The following SCTR variants were observed in gnomAD, a reference collection of about 807,000 sequenced individuals.
SCTR encodes the protein pancreatic secretin receptor.
Under a neutral mutation model 60.8 loss-of-function variants are expected in SCTR, and 56 were observed. That is an observed-to-expected ratio of 0.92 (90% CI 0.74 to 1.15). The LOEUF (loss-of-function observed/expected upper bound fraction) is 1.15. Ranked by LOEUF, SCTR falls within the 50% of genes most tolerant of loss-of-function variation. The pLI is 0.00. For missense variants in SCTR, 562 were observed against 550.4 expected, an observed-to-expected ratio of 1.02 and a Z score of -0.21; for synonymous variants, 202 against 217.0, an observed-to-expected ratio of 0.93 and a Z score of 0.61.
chr2:119,521,592 C>T (rs956693437), intron 1 of SCTR, among the ~76,000 whole-genome samples: 3 of 152,214 alleles, frequency 2.0e-5, no homozygotes, highest in Non-Finnish European at 2.9e-5. Flanking sequence ...CTGCCCCATT[C>T]GGCCACTTTT....
chr2:119,440,895 GA>G (rs1485027959), intron 12 of SCTR, among the ~76,000 whole-genome samples: 1 of 152,180 alleles, frequency 6.6e-6, no homozygotes, highest in African/African-American at 2.4e-5. Context: ...TGATTTTTGG[GA>G]AACATCAAAG....
Position 119,440,200 on chromosome 2 carries a change from G to A in SCTR, c.1240C>T (p.His414Tyr), listed in dbSNP as rs1272104077. The change falls in exon 13 of 13, where the codon CAC (histidine) becomes TAC (tyrosine). Residue 414 changes from histidine to tyrosine, a missense_variant. Coordinates refer to ENST00000019103, the MANE Select transcript of SCTR (RefSeq NM_002980.3). Reference sequence around the variant, plus strand: ...CTGTTGCTGAAGGAGGCCACGGGGTGCAGTGGGAACTCACGGAGGTGCCAT... The same window carrying A: ...CTGTTGCTGAAGGAGGCCACGGGGTACAGTGGGAACTCACGGAGGTGCCAT... ...QQWHLREFPL[H>Y]PVASFSNSTK... is the part of the protein sequence containing the mutation. The A allele has an allele frequency of 2.5e-6, 4 of 1,613,958 alleles. No homozygotes were observed. Among genetic ancestry groups the A allele is most frequent in the Admixed American group, 1.7e-5 (1 of 60,002 alleles).
chr2:119,521,737 A>G (rs899201844), intron 1 of SCTR, among the ~76,000 whole-genome samples: 1 of 152,172 alleles, frequency 6.6e-6, no homozygotes, highest in Non-Finnish European at 1.5e-5. Context: ...GGGAGCTTCA[A>G]ATGAATAAAA....
intron 1 of SCTR, among the ~76,000 whole-genome samples, chr2:119,508,088 C>A (rs772299598): frequency 1.1e-4 from 16 of 152,184 alleles, no homozygotes; most frequent in Admixed American, 4.6e-4. Context: ...TTCCTTGCAA[C>A]TAAGGCGTGC....
At chr2:119,440,325 C>T in intron 12 of SCTR, 68 bp from the exon 13 acceptor site, 2 of 1,542,180 alleles carry the variant, frequency 1.3e-6, no homozygotes, top group Non-Finnish European at 1.8e-6. Flanking sequence ...CTGCTCACTC[C>T]CCCAGTGACT....
intron 1 of SCTR, among the ~76,000 whole-genome samples, chr2:119,501,510 T>G (rs1182925408): frequency 6.6e-6 from 1 of 152,120 alleles, no homozygotes; most frequent in East Asian, 1.9e-4. Flanking sequence ...TGTTGGTTAA[T>G]GGGTACAAAA....
chr2:119,524,083 G>T, intron 1 of SCTR, 72 bp downstream of exon 1: 2 of 1,248,536 alleles, frequency 1.6e-6, no homozygotes, highest in Non-Finnish European at 2.3e-6. Flanking sequence ...CCTGCATCCT[G>T]CCCGAGGCCG....
intron 1 of SCTR, among the ~76,000 whole-genome samples, chr2:119,516,892 C>T (rs1679132908): frequency 6.6e-6 from 1 of 152,030 alleles, no homozygotes; most frequent in Non-Finnish European, 1.5e-5. Context: ...CTCTTGAACC[C>T]GGGAGGCAGA....
intron 11 of SCTR, 48 bp from the exon 12 acceptor site, chr2:119,441,647 C>A (rs562567738): frequency 1.3e-6 from 2 of 1,562,482 alleles, no homozygotes; most frequent in South Asian, 1.1e-5. Context: ...GCTCAGCATG[C>A]GGCCTGAACC....
chr2:119,481,642 C>T lies in SCTR; in HGVS notation c.194-2724G>A, dbSNP rs146091309. Among the ~76,000 whole-genome samples, 300 of 152,316 alleles carry T rather than the reference C, an allele frequency of 2.0e-3. 1 individual carries two copies. Among genetic ancestry groups the T allele is most frequent in the Non-Finnish European group, 2.2e-3 (150 of 68,024 alleles). ...CAGTCACAGACCCACCAGTGGGGGT[C>T]ACTACCAGCTGTGTCTTCACCTTGG... is the stretch of plus-strand genomic sequence containing the variant. On this transcript the variant is annotated intron_variant, in intron 2 of 12. Transcript: ENST00000019103.
chr2:119,524,201 A>C lies in SCTR; in HGVS notation c.26T>G (p.Leu9Arg), dbSNP rs1249289825. The C allele has an allele frequency of 2.6e-6, 4 of 1,520,200 alleles. No individual in the cohort carries two copies. Among genetic ancestry groups the C allele is most frequent in the Non-Finnish European group, 3.5e-6 (4 of 1,133,218 alleles). 94.2% of individuals were successfully genotyped at this position (1,520,200 alleles called of 1,614,324 possible). A position where few individuals can be genotyped will look rare whatever the true frequency, so the allele number is the denominator to read the frequency against. Residue 9 changes from leucine to arginine, a missense_variant, in exon 1 of 13, where the codon CTG (leucine) becomes CGG (arginine). Leu to Arg is a moderately radical substitution (Grantham distance 102). Transcript: ENST00000019103. ...CAGCACCGGCAGTAGTAGCTGCTGC[A>C]GCGGCGGCGACAGGTGGGGACGCAT... MRPHLSPP[L>R]QQLLLPVLLA... is the part of the protein sequence containing the mutation.
At chr2:119,494,381 C>A (rs747297188) in intron 2 of SCTR, 47 bp downstream of exon 2, 1 of 1,599,868 alleles carries the variant, frequency 6.3e-7, no homozygotes, top group Non-Finnish European at 8.5e-7. Context: ...CAGGACCGGA[C>A]ATGCTCCACC....
chr2:119,509,637 C>CT (rs940646279), intron 1 of SCTR, among the ~76,000 whole-genome samples: 7 of 151,980 alleles, frequency 4.6e-5, no homozygotes, highest in South Asian at 4.2e-4. Flanking sequence ...TCCAACAATT[C>CT]TTTTTTTTAA....
intron 2 of SCTR, among the ~76,000 whole-genome samples, chr2:119,493,524 T>TTAA (rs977500433): frequency 6.6e-6 from 1 of 152,220 alleles, no homozygotes; most frequent in Non-Finnish European, 1.5e-5. Flanking sequence ...AAAGTGTTGA[T>TTAA]TAATAATAAT....
chr2:119,481,760 T>C (rs1212558422), intron 2 of SCTR, among the ~76,000 whole-genome samples: 1 of 152,196 alleles, frequency 6.6e-6, no homozygotes, highest in East Asian at 1.9e-4. Context: ...GCACAAGTGC[T>C]CAGCAAACAC....
At chr2:119,458,124 T>C (rs1270771706) in intron 7 of SCTR, among the ~76,000 whole-genome samples, 1 of 150,838 alleles carries the variant, frequency 6.6e-6, no homozygotes, top group Non-Finnish European at 1.5e-5. Context: ...TGAGACACTG[T>C]CTCTACAAAA....
intron 7 of SCTR, 136 bp downstream of exon 7, chr2:119,461,711 C>CAAAA (rs539293803): frequency 3.1e-5 from 9 of 294,412 alleles, no homozygotes; most frequent in Non-Finnish European, 2.8e-5. Context: ...AACTCCAACT[C>CAAAA]AAAAAAAAAA....
intron 1 of SCTR, among the ~76,000 whole-genome samples, chr2:119,507,505 T>C (rs1251584367): frequency 2.6e-5 from 4 of 152,108 alleles, no homozygotes; most frequent in Admixed American, 1.3e-4. Flanking sequence ...ACTCGTCCCC[T>C]GGCTGTCACT....
intron 4 of SCTR, among the ~76,000 whole-genome samples, chr2:119,467,461 T>C (rs1226612673): frequency 6.6e-6 from 1 of 152,056 alleles, no homozygotes; most frequent in South Asian, 2.1e-4. Flanking sequence ...AAAAGAATAA[T>C]TTTTACCAAC....
Sources: allele counts gnomAD v4.1 joint callset (sites outside exome capture counted in the v4.1 genomes callset), GRCh38; gene constraint gnomAD v4.1.1; transcripts MANE v1.5; gene names NCBI Gene and HGNC (gene_info 2026-07-23, HGNC 2026-07-21).